KIAA1217: variants seen among roughly 807,000 people sequenced by gnomAD.
KIAA1217 encodes KIAA1217, also known as sickle tail protein homolog.
Under a neutral mutation model 163.9 loss-of-function variants are expected in KIAA1217, and 88 were observed. That is an observed-to-expected ratio of 0.54 (90% confidence interval 0.45 to 0.64). KIAA1217 has a LOEUF of 0.64. Ranked by LOEUF, KIAA1217 falls within the 30% of genes least tolerant of loss-of-function variation. The pLI is 0.00. For missense variants in KIAA1217, 2,372 were observed against 2,475.0 expected (o/e 0.96, Z 0.88); for synonymous variants, 903 against 923.1 (o/e 0.98, Z 0.39).
intron 2 of KIAA1217, among the ~76,000 whole-genome samples, chr10:24,231,995 C>T (rs1590089314): frequency 6.6e-6 from 1 of 152,054 alleles, no homozygotes; most frequent in Non-Finnish European, 1.5e-5. Context: ...GGTTTCACCA[C>T]GTTGGCCAGG....
intron 3 of KIAA1217, among the ~76,000 whole-genome samples, chr10:24,384,758 G>T (rs530488921): frequency 6.6e-6 from 1 of 152,286 alleles, no homozygotes; most frequent in African/African-American, 2.4e-5. Flanking sequence ...GGATGGTCTC[G>T]ATCTCCTGAC....
intron 2 of KIAA1217, among the ~76,000 whole-genome samples, chr10:24,225,335 A>T (rs963868114): frequency 2.0e-5 from 3 of 151,974 alleles, no homozygotes; most frequent in African/African-American, 7.3e-5. Context: ...TGTTGCCCAG[A>T]TTGGTCTTCA....
At chr10:23,922,768 T>C (rs1166145064) in intron 1 of KIAA1217, among the ~76,000 whole-genome samples, 2 of 152,144 alleles carry the variant, frequency 1.3e-5, no homozygotes, top group Non-Finnish European at 2.9e-5. Flanking sequence ...ATAAGGGGGA[T>C]GCTTTTAATG....
At chr10:24,021,701 C>G (rs1189734190) in intron 2 of KIAA1217, among the ~76,000 whole-genome samples, 2 of 151,802 alleles carry the variant, frequency 1.3e-5, no homozygotes, top group Non-Finnish European at 2.9e-5. Context: ...ACTTACTATA[C>G]TTACTATAAA....
intron 2 of KIAA1217, among the ~76,000 whole-genome samples, chr10:24,371,464 A>T (rs1319834717): frequency 6.6e-6 from 1 of 152,242 alleles, no homozygotes; most frequent in African/African-American, 2.4e-5. Context: ...ATGGTATCAG[A>T]ACTACAGATG....
chr10:24,517,596 C>T (rs1225455215), intron 10 of KIAA1217, among the ~76,000 whole-genome samples: 1 of 152,180 alleles, frequency 6.6e-6, no homozygotes, highest in Non-Finnish European at 1.5e-5. Flanking sequence ...TCTTCTCCTT[C>T]TTCTTCTTCC....
chr10:24,070,614 T>C (rs1470063207), intron 2 of KIAA1217, among the ~76,000 whole-genome samples: 1 of 152,244 alleles, frequency 6.6e-6, no homozygotes, highest in Non-Finnish European at 1.5e-5. Flanking sequence ...CATATCTTGC[T>C]TCTTGAAGAA....
intron 1 of KIAA1217, among the ~76,000 whole-genome samples, chr10:23,764,587 G>A (rs530906326): frequency 3.9e-5 from 6 of 152,180 alleles, no homozygotes; most frequent in Non-Finnish European, 5.9e-5. Flanking sequence ...AATATGGTAC[G>A]TATACACTAT....
Position 23,926,880 on chromosome 10 carries a change from C to A in KIAA1217, c.-320-80345C>A, listed in dbSNP as rs111737709. Among the ~76,000 whole-genome samples, 925 of 152,018 alleles carry A rather than the reference C, an allele frequency of 6.1e-3. 3 individuals carry two copies. The highest frequency in any genetic ancestry group is 9.3e-3 in the Non-Finnish European group (635 of 67,974). ...GTTTAGAGAAAGTTATTTGAGACAG[C>A]AGTCTATCCTATTTATTTATCTGTT... On this transcript the variant is annotated intron_variant, in intron 1 of 18. Coordinates refer to the KIAA1217 transcript ENST00000376462.
intron 2 of KIAA1217, among the ~76,000 whole-genome samples, chr10:24,373,912 G>T (rs1290810314): frequency 1.3e-5 from 2 of 152,162 alleles, no homozygotes; most frequent in Non-Finnish European, 2.9e-5. Flanking sequence ...ATCTGATAAT[G>T]AAATAATACA....
intron 1 of KIAA1217, among the ~76,000 whole-genome samples, chr10:23,833,292 C>T (rs1838296330): frequency 6.6e-6 from 1 of 152,040 alleles, no homozygotes; most frequent in African/African-American, 2.4e-5. Context: ...TTGCCTCAAG[C>T]TTCATCCCCT....
intron 1 of KIAA1217, among the ~76,000 whole-genome samples, chr10:23,958,616 TC>T (rs1844674271): frequency 6.6e-6 from 1 of 152,168 alleles, no homozygotes; most frequent in African/African-American, 2.4e-5. Context: ...AACAATTCAT[TC>T]TTTTAAAACA....
At chr10:24,196,398 T>C (rs1049823707) in intron 2 of KIAA1217, among the ~76,000 whole-genome samples, 7 of 152,242 alleles carry the variant, frequency 4.6e-5, no homozygotes, top group African/African-American at 1.7e-4. Context: ...TCTGTTTTCA[T>C]GTTTACATTT....
intron 1 of KIAA1217, among the ~76,000 whole-genome samples, chr10:23,947,117 C>G (rs1262900504): frequency 6.6e-6 from 1 of 152,174 alleles, no homozygotes; most frequent in South Asian, 2.1e-4. Context: ...GAGGCCTCCC[C>G]AGCCATGCTG....
intron 2 of KIAA1217, among the ~76,000 whole-genome samples, chr10:24,317,247 G>T (rs2043511187): frequency 6.6e-6 from 1 of 152,014 alleles, no homozygotes; most frequent in African/African-American, 2.4e-5. Context: ...TGTGACAAGG[G>T]TCTTTTGTCC....
At chr10:24,061,642 GTT>G (rs2131602418) in intron 2 of KIAA1217, among the ~76,000 whole-genome samples, 1 of 152,202 alleles carries the variant, frequency 6.6e-6, no homozygotes, top group South Asian at 2.1e-4. Flanking sequence ...TTGAAGAACA[GTT>G]TTGACCAGCA....
At chr10:23,951,445 GGAGATT>G (rs1362147556) in intron 1 of KIAA1217, among the ~76,000 whole-genome samples, 1 of 152,164 alleles carries the variant, frequency 6.6e-6, no homozygotes, top group African/African-American at 2.4e-5. Context: ...CTTGAGCCCA[GGAGATT>G]GAGACCAGCC....
At chr10:23,708,305 T>G (rs1237969022) in intron 1 of KIAA1217, among the ~76,000 whole-genome samples, 1 of 152,150 alleles carries the variant, frequency 6.6e-6, no homozygotes, top group Non-Finnish European at 1.5e-5. Context: ...AGATGAGATT[T>G]GGGTGTGCTC....
chr10:23,763,194 A>G lies in KIAA1217; in HGVS notation c.-321+67960A>G, dbSNP rs955691458. Among the ~76,000 whole-genome samples the G allele has an allele frequency of 6.6e-5, 10 of 152,314 alleles. No individual in the cohort carries two copies. In the South Asian group the frequency reaches 1.2e-3, roughly 19 times the overall value. ...TGAAAATGGCCATACTGCCCAAAGT[A>G]ATTTATAGATTCAATGCTGTTTCCA... On this transcript the variant is annotated intron_variant, in intron 1 of 18. Coordinates refer to the KIAA1217 transcript ENST00000376462.
Sources: gnomAD v4.1 joint callset for allele counts (sites outside exome capture counted in the v4.1 genomes callset) on GRCh38, gnomAD v4.1.1 for gene constraint, MANE v1.5 for transcripts, NCBI Gene and HGNC (gene_info 2026-07-23, HGNC 2026-07-21) for gene names.